The following ADARB2 variants were observed in gnomAD, a reference collection of about 807,000 sequenced individuals.
The protein encoded by ADARB2 is adenosine deaminase RNA specific B2 (inactive).
Under a neutral mutation model 62.2 loss-of-function variants are expected in ADARB2, and 25 were observed. The ratio of observed to expected loss-of-function variants is 0.40; its 90% CI spans 0.29 to 0.56. The LOEUF (loss-of-function observed/expected upper bound fraction) is 0.56, where lower values mean the gene tolerates loss of function less well. Among genes scored for constraint, ADARB2 ranks in the 20% least tolerant of loss-of-function variants. The pLI, the probability that ADARB2 is intolerant of heterozygous loss-of-function variation, is 0.43. For missense variants in ADARB2, 1,071 were observed against 1,077.4 expected, an observed-to-expected ratio of 0.99 and a Z score of 0.08; for synonymous variants, 572 against 500.8, an observed-to-expected ratio of 1.14 and a Z score of -1.90.
intron 1 of ADARB2, among the ~76,000 whole-genome samples, chr10:1,726,235 T>G (rs1345950974): frequency 1.3e-5 from 2 of 152,344 alleles, no homozygotes; most frequent in Non-Finnish European, 2.9e-5. Flanking sequence ...TCCTGCTTAC[T>G]TAGTGTGTAT....
At chr10:1,210,406 C>T (rs891117969) in intron 7 of ADARB2, among the ~76,000 whole-genome samples, 1 of 152,206 alleles carries the variant, frequency 6.6e-6, no homozygotes, top group African/African-American at 2.4e-5. Flanking sequence ...CCACGGGTTC[C>T]CGGCCTCGTG....
intron 7 of ADARB2, among the ~76,000 whole-genome samples, chr10:1,211,050 C>T (rs1171237101): frequency 2.0e-5 from 3 of 152,148 alleles, no homozygotes; most frequent in Non-Finnish European, 4.4e-5. Flanking sequence ...GGTTCAAAAC[C>T]CTTGTCCTCT....
At chr10:1,352,718 C>G (rs1832155286) in intron 3 of ADARB2, among the ~76,000 whole-genome samples, 3 of 152,126 alleles carry the variant, frequency 2.0e-5, no homozygotes, top group Admixed American at 1.3e-4. Flanking sequence ...ACTTTCTGCT[C>G]CCCGGCTTCT....
intron 3 of ADARB2, among the ~76,000 whole-genome samples, chr10:1,278,168 T>C (rs1455766811): frequency 6.6e-6 from 1 of 152,104 alleles, no homozygotes; most frequent in Non-Finnish European, 1.5e-5. Flanking sequence ...TTAGTAGAGA[T>C]GGAGTTTTGC....
At chr10:1,484,668 G>A (rs757150778) in intron 1 of ADARB2, among the ~76,000 whole-genome samples, 3 of 152,348 alleles carry the variant, frequency 2.0e-5, no homozygotes, top group Non-Finnish European at 4.4e-5. Flanking sequence ...ATAGGTAGGT[G>A]TGCATGCATG....
intron 7 of ADARB2, 45 bp downstream of exon 7, chr10:1,216,906 C>T: frequency 6.3e-7 from 1 of 1,587,480 alleles, no homozygotes; most frequent in Non-Finnish European, 8.5e-7. Flanking sequence ...TGGCACTCCC[C>T]ACCGGCCGCA....
chr10:1,329,669 T>C (rs1831909694), intron 3 of ADARB2, among the ~76,000 whole-genome samples: 1 of 152,334 alleles, frequency 6.6e-6, no homozygotes, highest in Non-Finnish European at 1.5e-5. Flanking sequence ...GCCTCCCTGA[T>C]GGCTGCTTTT....
intron 1 of ADARB2, among the ~76,000 whole-genome samples, chr10:1,624,145 T>C (rs1321738509): frequency 6.6e-6 from 1 of 151,672 alleles, no homozygotes; most frequent in Non-Finnish European, 1.5e-5. Context: ...GAGGTGGGGG[T>C]ATCACCTGAG....
At position 1,243,651 on chromosome 10, in the gene ADARB2, C is replaced by T. The variant is rs180801133; in HGVS notation, c.1193-1352G>A. Among the ~76,000 whole-genome samples, 1,181 of 152,322 alleles carry T rather than the reference C, an allele frequency of 7.8e-3. 6 individuals carry two copies. The highest frequency in any genetic ancestry group is 0.013 in the Non-Finnish European group (873 of 68,024). On this transcript the variant is annotated intron_variant, in intron 4 of 9. Transcript: ENST00000381312. ...CTACCAGTGACAGCCAGGGAGAATT[C>T]GGGGCCGGGAGGGACCGAGCACTGG...
At chr10:1,405,892 T>G (rs2820586) in intron 1 of ADARB2, among the ~76,000 whole-genome samples, 1 of 150,300 alleles carries the variant, frequency 6.7e-6, no homozygotes, top group African/African-American at 2.5e-5. Context: ...ATGATGCACC[T>G]GTTTATTAAA....
intron 1 of ADARB2, among the ~76,000 whole-genome samples, chr10:1,516,235 A>T (rs1832007193): frequency 6.6e-6 from 1 of 151,936 alleles, no homozygotes; most frequent in African/African-American, 2.4e-5. Context: ...CCTTACCCCA[A>T]ATAAACCACC....
At chr10:1,635,493 G>A (rs1588332535) in intron 1 of ADARB2, among the ~76,000 whole-genome samples, 1 of 152,174 alleles carries the variant, frequency 6.6e-6, no homozygotes, top group Non-Finnish European at 1.5e-5. Context: ...AAACCCAACA[G>A]GTCCCCTTGA....
chr10:1,580,143 A>G (rs1017173496), intron 1 of ADARB2, among the ~76,000 whole-genome samples: 2 of 152,214 alleles, frequency 1.3e-5, no homozygotes, highest in African/African-American at 4.8e-5. Context: ...TTTCAGGAGT[A>G]CATGTACGTG....
At chr10:1,462,915 G>T (rs772935535) in intron 1 of ADARB2, among the ~76,000 whole-genome samples, 2 of 151,896 alleles carry the variant, frequency 1.3e-5, no homozygotes, top group African/African-American at 4.8e-5. Flanking sequence ...CCATTGTGAA[G>T]GAGATAACTG....
rs1401313421 is a variant in ADARB2, at chr10:1,573,452, C to T, written c.100+163599G>A. On this transcript the variant is annotated intron_variant, in intron 1 of 9. Transcript: ENST00000381312. ...AGCGGAAACTGGTGAGGCCGAAGTA[C>T]ACAGCAGAAAGTAAAGGTGCCATCA... is the stretch of plus-strand genomic sequence containing the variant. Among the ~76,000 whole-genome samples the T allele has an allele frequency of 3.9e-5, 6 of 152,198 alleles. No homozygotes were observed. In the East Asian group the frequency reaches 9.6e-4, roughly 24 times the overall value.
chr10:1,565,268 G>A (rs1358257240), intron 1 of ADARB2, among the ~76,000 whole-genome samples: 2 of 152,282 alleles, frequency 1.3e-5, no homozygotes, highest in South Asian at 4.1e-4. Flanking sequence ...AAAGACACAA[G>A]AAACCTCTTA....
At chr10:1,450,430 C>T (rs565465613) in intron 1 of ADARB2, among the ~76,000 whole-genome samples, 154 of 152,312 alleles carry the variant, frequency 1.0e-3, no homozygotes, top group Non-Finnish European at 1.7e-3. Flanking sequence ...CTCCCACTCT[C>T]GTGGCTTCGG....
At chr10:1,389,964 A>G (rs1832556291) in intron 1 of ADARB2, among the ~76,000 whole-genome samples, 1 of 152,146 alleles carries the variant, frequency 6.6e-6, no homozygotes, top group South Asian at 2.1e-4. Context: ...ACCAAGATAA[A>G]TGAAATGTAT....
Position 1,570,328 on chromosome 10 carries a change from C to A in ADARB2, c.100+166723G>T, listed in dbSNP as rs56197899. The stretch of plus-strand genomic sequence containing the variant: ...ATGTGTTTGCTTTGCTGTCTCTCCC[C>A]CTTGGCGGTTGCTACCTGGGCTGAT... On this transcript the variant is annotated intron_variant, in intron 1 of 9. Transcript: ENST00000381312. Among the ~76,000 whole-genome samples the A allele has an allele frequency of 9.5e-3, 1,453 of 152,254 alleles. 22 individuals carry two copies. The highest frequency in any genetic ancestry group is 0.033 in the African/African-American group (1,373 of 41,550).
Sources: gnomAD v4.1 joint callset for allele counts (sites outside exome capture counted in the v4.1 genomes callset) on GRCh38, gnomAD v4.1.1 for gene constraint, MANE v1.5 for transcripts, NCBI Gene and HGNC (gene_info 2026-07-23, HGNC 2026-07-21) for gene names.